MAPT: variants seen among roughly 807,000 people sequenced by gnomAD.
MAPT encodes the protein microtubule-associated protein tau.
MAPT carries 34 observed loss-of-function variants against 67.9 expected under a neutral mutation model. That is an observed-to-expected ratio of 0.50 (90% confidence interval 0.38 to 0.67). The LOEUF (loss-of-function observed/expected upper bound fraction) is 0.67, where lower values mean the gene tolerates loss of function less well. MAPT is among the 30% of genes least tolerant of loss of function. The pLI, the probability that MAPT is intolerant of heterozygous loss-of-function variation, is 0.00. For missense variants in MAPT, 881 were observed against 1,115.2 expected (o/e 0.79, Z 2.99); for synonymous variants, 456 against 464.5 (o/e 0.98, Z 0.23).
intron 7 of MAPT, 30 bp from the exon 8 acceptor site, chr17:45,991,430 A>G: frequency 6.2e-7 from 1 of 1,614,030 alleles, no homozygotes; most frequent in Non-Finnish European, 8.5e-7. Context: ...CCCAATGGTG[A>G]AAAACCCCTC....
At chr17:45,952,958 G>T (rs1272788534) in intron 1 of MAPT, among the ~76,000 whole-genome samples, 1 of 152,122 alleles carries the variant, frequency 6.6e-6, no homozygotes, top group Non-Finnish European at 1.5e-5. Context: ...CTGGCTGTGT[G>T]ACCTGGGGCA....
chr17:46,018,280 T>A (rs2076314994), intron 11 of MAPT, among the ~76,000 whole-genome samples: 1 of 152,238 alleles, frequency 6.6e-6, no homozygotes, highest in Non-Finnish European at 1.5e-5. Context: ...AAATATTTGA[T>A]GCACACTTTG....
At chr17:45,968,890 C>A (rs1300151728) in intron 2 of MAPT, among the ~76,000 whole-genome samples, 1 of 152,208 alleles carries the variant, frequency 6.6e-6, no homozygotes, top group Non-Finnish European at 1.5e-5. Context: ...TCAACAATTT[C>A]ATGCTGACAG....
intron 9 of MAPT, among the ~76,000 whole-genome samples, chr17:46,008,687 A>C (rs1318918633): frequency 6.6e-6 from 1 of 152,138 alleles, no homozygotes; most frequent in East Asian, 1.9e-4. Flanking sequence ...ATTAAGGGGA[A>C]AAAAAACGGG....
At chr17:45,972,434 C>T (rs1019859579) in intron 3 of MAPT, among the ~76,000 whole-genome samples, 5 of 152,216 alleles carry the variant, frequency 3.3e-5, no homozygotes, top group African/African-American at 9.7e-5. Flanking sequence ...CCTTTCCAGA[C>T]ACTCGGCATC....
In MAPT at chr17:45,971,973, A is replaced by G. The variant is rs1184696608; in HGVS notation, c.220+28A>G. On this transcript the variant is annotated intron_variant, in intron 3 of 12. Coordinates refer to ENST00000262410, the MANE Select transcript of MAPT (RefSeq NM_001377265.1). This position sits in a 1 kb window ranked among gnomAD's most constrained non-coding sequence, Gnocchi z 4.3. ...GGGCCCCCCTTCAGACGCCCCCTCC[A>G]TGCCTCCAGCCTGTGCTTAGCCGTG... The G allele has an allele frequency of 1.9e-6, 3 of 1,561,258 alleles. No homozygotes were observed. Among genetic ancestry groups the G allele is most frequent in the South Asian group, 2.2e-5 (2 of 89,938 alleles).
At chr17:45,921,728 A>G (rs943121325) in intron 1 of MAPT, among the ~76,000 whole-genome samples, 3 of 152,166 alleles carry the variant, frequency 2.0e-5, no homozygotes, top group Non-Finnish European at 2.9e-5. Context: ...ATATTGTAAC[A>G]TGTTCGTAGG....
intron 1 of MAPT, among the ~76,000 whole-genome samples, chr17:45,905,360 C>T (rs2064233937): frequency 6.6e-6 from 1 of 152,122 alleles, no homozygotes; most frequent in Non-Finnish European, 1.5e-5. Flanking sequence ...GAGAAAAGGC[C>T]AGTGGCGGCT....
Position 45,996,336 on chromosome 17 carries a change from C to A in MAPT, c.1733-63C>A. The A allele has an allele frequency of 1.3e-6, 2 of 1,583,098 alleles. No individual in the cohort carries two copies. The highest frequency in any genetic ancestry group is 1.7e-6 in the Non-Finnish European group (2 of 1,162,880). The stretch of plus-strand genomic sequence containing the variant: ...GAATGGACCCACGGGACAGGCAGCC[C>A]CCAGGGCCTTTTCTGACCCCACCCA... On this transcript the variant is annotated intron_variant, in intron 8 of 12. Transcript: ENST00000262410. This position sits in a 1 kb window ranked among gnomAD's most constrained non-coding sequence, Gnocchi z 4.5.
At chr17:45,921,841 T>G (rs2065756038) in intron 1 of MAPT, among the ~76,000 whole-genome samples, 1 of 152,082 alleles carries the variant, frequency 6.6e-6, no homozygotes. Flanking sequence ...AAGGACGTCT[T>G]GGGGGTATTC....
intron 3 of MAPT, chr17:45,974,239 G>A (rs186125211): frequency 1.1e-4 from 73 of 686,346 alleles, no homozygotes; most frequent in African/African-American, 1.1e-4. Flanking sequence ...CAGGGGCTCC[G>A]GGCCCTACTT....
At chr17:45,975,681 T>C (rs2072254085) in intron 3 of MAPT, 1 of 152,210 alleles carries the variant, frequency 6.6e-6, no homozygotes, top group Admixed American at 6.5e-5. Context: ...TAGTTGAAAG[T>C]ACATTAGTCT....
At chr17:45,991,656 G>T (rs1193744287) in intron 8 of MAPT, 70 bp downstream of exon 8, 23 of 1,610,220 alleles carry the variant, frequency 1.4e-5, no homozygotes, top group Non-Finnish European at 1.9e-5. Flanking sequence ...CATTTTAGGA[G>T]GCCTTAGGCC....
intron 1 of MAPT, among the ~76,000 whole-genome samples, chr17:45,922,897 G>A (rs891301168): frequency 1.3e-5 from 2 of 152,212 alleles, no homozygotes; most frequent in Admixed American, 6.5e-5. Context: ...ATAATTAAAG[G>A]AGTTAGCAAA....
intron 11 of MAPT, among the ~76,000 whole-genome samples, chr17:46,015,688 A>AAAAACG (rs1413435524): frequency 1.3e-5 from 2 of 152,138 alleles, no homozygotes; most frequent in African/African-American, 4.8e-5. Flanking sequence ...AAACAAAAAC[A>AAAAACG]AACACACAAC....
rs145897970 is a variant in MAPT at position 45,996,550 on chromosome 17, G to A, written c.1884G>A (p.Pro628=). 108 of 1,610,728 alleles carry A rather than the reference G, an allele frequency of 6.7e-5. No individual in the cohort carries two copies. Among genetic ancestry groups the A allele is most frequent in the Non-Finnish European group, 8.1e-5 (95 of 1,178,470 alleles). ...TGGTCCGTACTCCACCCAAGTCGCC[G>A]TCTTCCGCCAAGAGCCGCCTGCAGA... ...VAVVRTPPKS[P]SSAKSRLQTA... is the part of the protein sequence containing the mutation. The change falls in exon 9 of 13, where the codon CCG becomes CCA. Residue 628 remains proline (P), a synonymous_variant. Coordinates refer to ENST00000262410, the MANE Select transcript of MAPT (RefSeq NM_001377265.1). The surrounding 1 kb of genome is among the most constrained non-coding windows in gnomAD (Gnocchi z 4.5).
At chr17:45,977,326 CAG>C (rs1325500462) in intron 3 of MAPT, 1 of 152,190 alleles carries the variant, frequency 6.6e-6, no homozygotes. Context: ...ATCTTAGGTG[CAG>C]AGAGTGACTG....
At chr17:45,982,018 C>CAAAAAAAAA (rs1264327504) in intron 4 of MAPT, among the ~76,000 whole-genome samples, 1 of 84,720 alleles carries the variant, frequency 1.2e-5, no homozygotes, top group Non-Finnish European at 2.4e-5. Context: ...GACCCTGTCT[C>CAAAAAAAAA]AAAAAAAAAA....
At chr17:45,982,428 A>G (rs959326838) in intron 4 of MAPT, among the ~76,000 whole-genome samples, 2 of 152,180 alleles carry the variant, frequency 1.3e-5, no homozygotes, top group African/African-American at 4.8e-5. Flanking sequence ...AGAGGCTAGA[A>G]TCTTTGGGAG....
Sources: gnomAD v4.1 joint callset for allele counts (sites outside exome capture counted in the v4.1 genomes callset) on GRCh38, gnomAD v4.1.1 for gene constraint, Gnocchi (gnomAD v3.1) non-coding constraint, MANE v1.5 for transcripts, NCBI Gene and HGNC (gene_info 2026-07-23, HGNC 2026-07-21) for gene names.